STOX2: variants seen among roughly 807,000 people sequenced by gnomAD.
STOX2 encodes the protein storkhead box 2, also known as storkhead-box protein 2.
STOX2 carries 28 observed loss-of-function variants against 60.9 expected under a neutral mutation model. That is an observed-to-expected ratio of 0.46 (90% confidence interval 0.34 to 0.63). The LOEUF is 0.63. STOX2 is among the 30% of genes least tolerant of loss of function. The pLI is 0.01. For missense variants in STOX2, 1,024 were observed against 1,187.7 expected (o/e 0.86, Z 2.03); for synonymous variants, 472 against 463.9 (o/e 1.02, Z -0.22).
chr4:183,832,484 CTCT>C (rs1177822110), intron 1 of STOX2, among the ~76,000 whole-genome samples: 27 of 130,218 alleles, frequency 2.1e-4, no homozygotes, highest in African/African-American at 8.0e-4. Flanking sequence ...CTATAACCGA[CTCT>C]TTTTTTTTTT....
intron 1 of STOX2, among the ~76,000 whole-genome samples, chr4:183,868,706 G>A (rs1346235577): frequency 6.6e-6 from 1 of 152,218 alleles, no homozygotes; most frequent in Non-Finnish European, 1.5e-5. Flanking sequence ...CAATTCTCAT[G>A]TCTTACTCGA....
At chr4:183,984,130 T>A (rs1732755767) in intron 1 of STOX2, among the ~76,000 whole-genome samples, 1 of 152,220 alleles carries the variant, frequency 6.6e-6, no homozygotes. Flanking sequence ...AGATTTAGGG[T>A]CTGCTGTTGG....
chr4:183,898,569 A>G (rs1458019953), intron 1 of STOX2, among the ~76,000 whole-genome samples: 2 of 151,734 alleles, frequency 1.3e-5, no homozygotes, highest in Non-Finnish European at 2.9e-5. Flanking sequence ...GCGCTGAAAT[A>G]AAGCAGTGAA....
In STOX2 at chr4:184,011,232, C is replaced by T. The variant is rs369238373; in HGVS notation, c.2394C>T (p.Asp798=). Reference sequence around the variant, plus strand: ...CAGAGGAGGAGAAAAATAGAGAGGACGTAGGCACCATGCAGTGGCTCCTCG... The same window carrying T: ...CAGAGGAGGAGAAAAATAGAGAGGATGTAGGCACCATGCAGTGGCTCCTCG... ...KNTEEEKNRE[D]VGTMQWLLER... Residue 798 remains aspartate (D), a synonymous_variant, in exon 3 of 4, where the codon GAC becomes GAT. Coordinates refer to ENST00000308497, the MANE Select transcript of STOX2 (RefSeq NM_020225.3). The surrounding 1 kb of genome is among the most constrained non-coding windows in gnomAD (Gnocchi z 4.4). 8.7e-6 allele frequency: 14 copies of T among 1,612,188 alleles called. No individual in the cohort carries two copies. Among genetic ancestry groups the T allele is most frequent in the East Asian group, 4.5e-5 (2 of 44,872 alleles).
chr4:183,817,198 A>G (rs956471159), intron 1 of STOX2, among the ~76,000 whole-genome samples: 6 of 152,230 alleles, frequency 3.9e-5, no homozygotes, highest in Non-Finnish European at 7.3e-5. Flanking sequence ...GAACCCTCCA[A>G]CTATTTTGGG....
At chr4:183,921,918 A>G (rs1742110203) in intron 1 of STOX2, among the ~76,000 whole-genome samples, 1 of 152,216 alleles carries the variant, frequency 6.6e-6, no homozygotes. Flanking sequence ...TATGATTTAT[A>G]GTTTCTCTGT....
intron 1 of STOX2, among the ~76,000 whole-genome samples, chr4:183,921,854 C>G (rs948931717): frequency 1.3e-4 from 20 of 152,176 alleles, no homozygotes; most frequent in African/African-American, 4.8e-4. Context: ...CTTAAATTCT[C>G]TGTATACTAT....
At chr4:183,948,783 C>T (rs1347391200) in intron 1 of STOX2, among the ~76,000 whole-genome samples, 1 of 152,046 alleles carries the variant, frequency 6.6e-6, no homozygotes, top group Non-Finnish European at 1.5e-5. Context: ...TCACCCGCCT[C>T]AGCCTCCCAA....
At position 183,906,754 on chromosome 4, in the gene STOX2, G is replaced by GC; in HGVS notation, c.-33dup. ...GAGCGCGCTGCGCCCCGGCGCTGAG[G>GC]CCCCGAGGATCGGGGCGGCAGGTCG... is the stretch of plus-strand genomic sequence containing the variant. On this transcript the variant is annotated 5_prime_UTR_variant, in exon 1 of 4. Transcript: ENST00000308497. 6.7e-7 allele frequency: 1 copy of GC among 1,486,264 alleles called. No individual in the cohort carries two copies. The highest frequency in any genetic ancestry group is 9.0e-7 in the Non-Finnish European group (1 of 1,112,002). 92.1% of individuals were successfully genotyped at this position (1,486,264 alleles called of 1,614,324 possible).
chr4:183,842,992 T>TA (rs954938125), intron 1 of STOX2, among the ~76,000 whole-genome samples: 13 of 151,408 alleles, frequency 8.6e-5, no homozygotes, highest in African/African-American at 2.9e-4. Flanking sequence ...TACTAAAAAA[T>TA]ACAAAAATCA....
At chr4:183,974,915 G>A (rs1236569021) in intron 1 of STOX2, among the ~76,000 whole-genome samples, 4 of 152,104 alleles carry the variant, frequency 2.6e-5, no homozygotes, top group African/African-American at 4.8e-5. Flanking sequence ...TCCTCAGGGA[G>A]CATTCAGAAA....
chr4:183,850,733 A>T (rs1255153553), intron 1 of STOX2, among the ~76,000 whole-genome samples: 2 of 152,234 alleles, frequency 1.3e-5, no homozygotes, highest in African/African-American at 4.8e-5. Flanking sequence ...CGTCTCAAGA[A>T]AAAAAGAAGA....
chr4:183,871,561 C>A (rs1336396585), intron 1 of STOX2, among the ~76,000 whole-genome samples: 1 of 152,126 alleles, frequency 6.6e-6, no homozygotes, highest in African/African-American at 2.4e-5. Context: ...ATTAGGAGCC[C>A]TCAGCAGCAC....
chr4:183,851,512 T>A (rs1219603144), intron 1 of STOX2, among the ~76,000 whole-genome samples: 1 of 43,900 alleles, frequency 2.3e-5, no homozygotes, highest in Non-Finnish European at 4.3e-5. Flanking sequence ...AGGGAAAGGA[T>A]GAGAGAAACG....
intron 1 of STOX2, among the ~76,000 whole-genome samples, chr4:183,845,853 T>A (rs1027394160): frequency 3.3e-5 from 5 of 152,238 alleles, no homozygotes; most frequent in Admixed American, 2.0e-4. Context: ...TCAAATATAC[T>A]TTAATACTGA....
chr4:183,802,327 G>C (rs1212920218), intron 1 of STOX2, among the ~76,000 whole-genome samples: 1 of 152,216 alleles, frequency 6.6e-6, no homozygotes, highest in Non-Finnish European at 1.5e-5. Context: ...TTCTCAAAAA[G>C]AGTTGCTTTC....
intron 1 of STOX2, among the ~76,000 whole-genome samples, chr4:183,824,848 G>T (rs1302914229): frequency 6.6e-6 from 1 of 152,220 alleles, no homozygotes; most frequent in Non-Finnish European, 1.5e-5. Flanking sequence ...AGCAGACTGT[G>T]GCGGGTGGTT....
At chr4:183,801,521 C>T (rs185939900) in intron 1 of STOX2, among the ~76,000 whole-genome samples, 28 of 152,260 alleles carry the variant, frequency 1.8e-4, no homozygotes, top group Non-Finnish European at 2.6e-4. Flanking sequence ...GCTTTGAGGA[C>T]TCTTTGTTTT....
intron 3 of STOX2, chr4:184,015,102 T>A (rs1259707120): frequency 6.6e-6 from 1 of 152,356 alleles, no homozygotes; most frequent in Non-Finnish European, 1.5e-5. Context: ...CCTTGATGCT[T>A]ACTTCTTCTT....
Sources: gnomAD v4.1 joint callset for allele counts (sites outside exome capture counted in the v4.1 genomes callset) on GRCh38, gnomAD v4.1.1 for gene constraint, Gnocchi (gnomAD v3.1) non-coding constraint, MANE v1.5 for transcripts, NCBI Gene and HGNC (gene_info 2026-07-23, HGNC 2026-07-21) for gene names.